Variants in ANGPT1 observed in about 807,000 individuals in gnomAD.
The protein encoded by ANGPT1 is angiopoietin-1.
In ANGPT1, 17 loss-of-function variants were observed where a neutral mutation model predicts 62.2. That is an observed-to-expected ratio of 0.27 (90% CI 0.19 to 0.41). ANGPT1 has a LOEUF of 0.41. ANGPT1 is among the 10% of genes least tolerant of loss of function. The pLI is 1.00. For missense variants in ANGPT1, 478 were observed against 594.9 expected (o/e 0.80, Z 2.04); for synonymous variants, 199 against 198.9 (o/e 1.00, Z 0.00).
Position 107,497,677 on chromosome 8 carries a change from A to C in ANGPT1, c.-119T>G. On this transcript the variant is annotated 5_prime_UTR_variant, in exon 1 of 9. Transcript: ENST00000517746. ...TGTTTGTTTGACTCTTTCCCCCTCA[A>C]AGAAAGCGTTTGAAGAAGAATCATA... The C allele has an allele frequency of 4.6e-6, 5 of 1,093,776 alleles. No homozygotes were observed. The highest frequency in any genetic ancestry group is 6.3e-6 in the Non-Finnish European group (5 of 793,014). 67.8% of individuals were successfully genotyped at this position (1,093,776 alleles called of 1,614,324 possible).
intron 1 of ANGPT1, among the ~76,000 whole-genome samples, chr8:107,355,623 C>G (rs1816027481): frequency 6.7e-6 from 1 of 148,826 alleles, no homozygotes. Flanking sequence ...TGACTCATGT[C>G]TTTGCATATG....
intron 1 of ANGPT1, among the ~76,000 whole-genome samples, chr8:107,353,315 T>C (rs1401451205): frequency 6.6e-6 from 1 of 152,188 alleles, no homozygotes; most frequent in African/African-American, 2.4e-5. Context: ...AGCTAATCAA[T>C]GTCAGATGTC....
chr8:107,380,064 C>G (rs567741111), intron 1 of ANGPT1, among the ~76,000 whole-genome samples: 1 of 152,178 alleles, frequency 6.6e-6, no homozygotes, highest in South Asian at 2.1e-4. Context: ...TCTGCTTCAT[C>G]ATCAGATACT....
At chr8:107,408,066 CTA>C (rs1817186076) in intron 1 of ANGPT1, among the ~76,000 whole-genome samples, 1 of 141,792 alleles carries the variant, frequency 7.1e-6, no homozygotes, top group Non-Finnish European at 1.5e-5. Context: ...TACAGAAATG[CTA>C]TTTTCTTACA....
intron 1 of ANGPT1, among the ~76,000 whole-genome samples, chr8:107,474,513 G>T (rs1274582860): frequency 6.6e-6 from 1 of 152,142 alleles, no homozygotes; most frequent in African/African-American, 2.4e-5. Flanking sequence ...CATTCCCTTT[G>T]AAAACTGGCA....
chr8:107,299,700 CTATACTATA>C lies in ANGPT1; in HGVS notation c.936+3531_936+3539del, dbSNP rs1348728848. Among the ~76,000 whole-genome samples, 486 of 128,204 alleles carry C rather than the reference CTATACTATA, an allele frequency of 3.8e-3. 12 individuals carry two copies. The highest frequency in any genetic ancestry group is 0.013 in the African/African-American group (449 of 33,616). 84.1% of individuals were successfully genotyped at this position (128,204 alleles called of 152,430 possible). On this transcript the variant is annotated intron_variant, in intron 5 of 8. Coordinates refer to ENST00000517746, the MANE Select transcript of ANGPT1 (RefSeq NM_001146.5). ...ATAGTATATTTAGATACATACTATACTATACTATATATACTATATATATAGTTATATCTA... is the reference window on the plus strand; with the variant it reads ...ATAGTATATTTAGATACATACTATACTATACTATATATATAGTTATATCTA...
chr8:107,449,411 CA>C, intron 1 of ANGPT1, among the ~76,000 whole-genome samples: 1 of 150,784 alleles, frequency 6.6e-6, no homozygotes, highest in Non-Finnish European at 1.5e-5. Context: ...CACACACACA[CA>C]CACACACACA....
chr8:107,334,655 C>G (rs149793646), intron 3 of ANGPT1, among the ~76,000 whole-genome samples: 43 of 152,214 alleles, frequency 2.8e-4, no homozygotes, highest in African/African-American at 9.9e-4. Flanking sequence ...TGGGCAAAGC[C>G]TTCACAAATA....
intron 1 of ANGPT1, among the ~76,000 whole-genome samples, chr8:107,371,038 T>C (rs908916017): frequency 6.6e-6 from 1 of 151,950 alleles, no homozygotes; most frequent in Non-Finnish European, 1.5e-5. Flanking sequence ...GGTAGGCCTG[T>C]ACTAAATTTT....
intron 1 of ANGPT1, among the ~76,000 whole-genome samples, chr8:107,373,092 C>T (rs1816448893): frequency 6.6e-6 from 1 of 152,092 alleles, no homozygotes; most frequent in African/African-American, 2.4e-5. Flanking sequence ...GTGATAATCC[C>T]AATGCTGTCA....
chr8:107,279,593 T>C (rs1586182312), intron 7 of ANGPT1, among the ~76,000 whole-genome samples: 1 of 152,206 alleles, frequency 6.6e-6, no homozygotes, highest in East Asian at 1.9e-4. Context: ...AGTTTTCTCT[T>C]GTGAAAACAA....
chr8:107,342,999 CTTT>C (rs5893847), intron 2 of ANGPT1, among the ~76,000 whole-genome samples: 10 of 124,760 alleles, frequency 8.0e-5, no homozygotes, highest in Admixed American at 1.7e-4. Flanking sequence ...CCATGCCTGG[CTTT>C]TTTTTTTTTT....
intron 1 of ANGPT1, among the ~76,000 whole-genome samples, chr8:107,483,851 A>C (rs528062458): frequency 6.6e-6 from 1 of 152,330 alleles, no homozygotes; most frequent in African/African-American, 2.4e-5. Context: ...CAACTAAGGC[A>C]ATTTGTCTAA....
At chr8:107,338,772 G>A (rs914937964) in intron 2 of ANGPT1, among the ~76,000 whole-genome samples, 29 of 152,102 alleles carry the variant, frequency 1.9e-4, no homozygotes, top group African/African-American at 6.8e-4. Context: ...ACATATTATT[G>A]TCCAAGTAAG....
At chr8:107,357,340 C>CT (rs900137223) in intron 1 of ANGPT1, among the ~76,000 whole-genome samples, 23 of 152,060 alleles carry the variant, frequency 1.5e-4, no homozygotes, top group African/African-American at 4.3e-4. Context: ...TAAAAGGGAT[C>CT]TTTTTTTAAC....
chr8:107,401,862 A>T (rs72672592), intron 1 of ANGPT1, among the ~76,000 whole-genome samples: 13,797 of 152,222 alleles, frequency 0.091, 703 homozygotes, highest in Non-Finnish European at 0.12. Context: ...AAGATCTAAA[A>T]ATTTTAAAAA....
intron 1 of ANGPT1, among the ~76,000 whole-genome samples, chr8:107,465,916 G>A (rs1812185724): frequency 6.6e-6 from 1 of 152,126 alleles, no homozygotes; most frequent in Non-Finnish European, 1.5e-5. Context: ...ATATTGCTAG[G>A]AGGTGCAGTT....
intron 1 of ANGPT1, among the ~76,000 whole-genome samples, chr8:107,426,346 T>C (rs868142633): frequency 6.6e-6 from 1 of 152,214 alleles, no homozygotes. Flanking sequence ...GAGCACTCTC[T>C]GGATGATTAA....
chr8:107,267,079 A>T (rs1174373076), intron 7 of ANGPT1, among the ~76,000 whole-genome samples: 1 of 152,028 alleles, frequency 6.6e-6, no homozygotes, highest in African/African-American at 2.4e-5. Context: ...GTATCTGAAC[A>T]CATTCTTATA....
Sources: allele counts gnomAD v4.1 joint callset (sites outside exome capture counted in the v4.1 genomes callset), GRCh38; gene constraint gnomAD v4.1.1; transcripts MANE v1.5; gene names NCBI Gene and HGNC (gene_info 2026-07-23, HGNC 2026-07-21).